The following KLHL32 variants were observed in gnomAD, a reference collection of about 807,000 sequenced individuals.
KLHL32 encodes the protein kelch like family member 32.
In KLHL32, 35 loss-of-function variants were observed where a neutral mutation model predicts 64.8. The observed-to-expected ratio is 0.54, with a 90% CI of 0.41 to 0.72. KLHL32 has a LOEUF of 0.72. Among genes scored for constraint, KLHL32 ranks in the 30% least tolerant of loss-of-function variants. The pLI is 0.00. For synonymous variants in KLHL32, 259 were observed against 281.0 expected (o/e 0.92, Z 0.78); for missense variants, 589 against 768.5 (o/e 0.77, Z 2.76).
At chr6:97,092,963 T>C in intron 6 of KLHL32, among the ~76,000 whole-genome samples, 1 of 152,162 alleles carries the variant, frequency 6.6e-6, no homozygotes, top group Non-Finnish European at 1.5e-5. Context: ...TTTTTTTTCT[T>C]TCCTTCTTTT....
At chr6:97,054,863 C>G (rs1340224131) in intron 4 of KLHL32, among the ~76,000 whole-genome samples, 2 of 152,056 alleles carry the variant, frequency 1.3e-5, no homozygotes, top group Non-Finnish European at 2.9e-5. Context: ...TGCTTGAACC[C>G]GGGAGGCAGA....
At position 97,114,052 on chromosome 6, in the gene KLHL32, C is replaced by T. The variant is rs146659038; in HGVS notation, c.897C>T (p.Arg299=). The T allele has an allele frequency of 3.6e-5, 58 of 1,614,150 alleles. No individual in the cohort carries two copies. The highest frequency in any genetic ancestry group is 9.9e-5 in the South Asian group (9 of 91,082). Residue 299 remains arginine (R), a synonymous_variant, in exon 7 of 11, where the codon CGC becomes CGT. Coordinates refer to ENST00000369261, the MANE Select transcript of KLHL32 (RefSeq NM_052904.4). ...DTLYIIGGKK[R]EVCKVKELRY... ...TGTATATCATTGGTGGGAAAAAGCGCGAGGTCTGCAAGGTCAAGGAACTTC... is the reference window on the plus strand; with the variant it reads ...TGTATATCATTGGTGGGAAAAAGCGTGAGGTCTGCAAGGTCAAGGAACTTC...
At chr6:97,133,750 A>G (rs1799687416) in intron 10 of KLHL32, among the ~76,000 whole-genome samples, 2 of 152,252 alleles carry the variant, frequency 1.3e-5, no homozygotes, top group Middle Eastern at 3.4e-3. Flanking sequence ...AAGTACTTCT[A>G]TTATTCATAT....
chr6:97,088,355 T>C (rs2128182859), intron 6 of KLHL32, among the ~76,000 whole-genome samples: 1 of 152,290 alleles, frequency 6.6e-6, no homozygotes, highest in Non-Finnish European at 1.5e-5. Flanking sequence ...GAAATGGAAA[T>C]ATGGGACATT....
At chr6:97,104,772 C>T (rs889604410) in intron 6 of KLHL32, among the ~76,000 whole-genome samples, 1 of 152,170 alleles carries the variant, frequency 6.6e-6, no homozygotes, top group African/African-American at 2.4e-5. Context: ...TAATATTCCT[C>T]CATGGTAACA....
intron 6 of KLHL32, among the ~76,000 whole-genome samples, chr6:97,092,734 G>T (rs942328374): frequency 1.3e-5 from 2 of 152,116 alleles, no homozygotes; most frequent in African/African-American, 4.8e-5. Context: ...CTCTGTGAGG[G>T]TGCATCCCAC....
intron 1 of KLHL32, among the ~76,000 whole-genome samples, chr6:96,928,849 TTACAGA>T (rs59241963): frequency 0.02 from 2,993 of 152,298 alleles, 98 homozygotes; most frequent in African/African-American, 0.069. Context: ...AAGGAGGCTC[TTACAGA>T]TACAGATTTT....
intron 1 of KLHL32, among the ~76,000 whole-genome samples, chr6:96,966,093 G>A (rs55871809): frequency 0.067 from 10,215 of 152,246 alleles, 423 homozygotes; most frequent in Middle Eastern, 0.15. Flanking sequence ...AATAGGCACA[G>A]CTTAACATAT....
chr6:97,010,702 C>T (rs993396687), intron 3 of KLHL32, among the ~76,000 whole-genome samples: 2 of 152,124 alleles, frequency 1.3e-5, no homozygotes, highest in Admixed American at 1.3e-4. Context: ...CCTCAAATGA[C>T]CTCAAATCTT....
rs1047978025 is a variant in KLHL32 at position 96,924,886 on chromosome 6, C to A, written c.-206C>A. ...ACGCTCGTCTTCGCTACTGCATCCCCGAACCAGCAGAGCGAAGCTACTGCG... is the reference window on the plus strand; with the variant it reads ...ACGCTCGTCTTCGCTACTGCATCCCAGAACCAGCAGAGCGAAGCTACTGCG... On this transcript the variant is annotated 5_prime_UTR_variant, in exon 1 of 11. Transcript: ENST00000369261. 1 of 152,462 alleles carries A rather than the reference C, an allele frequency of 6.6e-6. No individual in the cohort carries two copies. Among genetic ancestry groups the A allele is most frequent in the Non-Finnish European group, 1.5e-5 (1 of 68,282 alleles). The allele number at this position is 152,462 out of a possible 1,614,324, so 9.4% of individuals were successfully genotyped here. A position where few individuals can be genotyped will look rare whatever the true frequency, so the allele number is the denominator to read the frequency against.
intron 1 of KLHL32, among the ~76,000 whole-genome samples, chr6:96,941,015 G>A (rs1216659456): frequency 6.6e-6 from 1 of 152,204 alleles, no homozygotes; most frequent in East Asian, 1.9e-4. Context: ...CATAGTCCTG[G>A]AAATCAGATA....
intron 6 of KLHL32, among the ~76,000 whole-genome samples, chr6:97,104,291 T>C (rs1054516046): frequency 6.6e-6 from 1 of 152,222 alleles, no homozygotes; most frequent in African/African-American, 2.4e-5. Flanking sequence ...TTTGTTGTGG[T>C]TCTTCCAGTC....
At chr6:96,921,119 T>C (rs1313180241), upstream of KLHL32, among the ~76,000 whole-genome samples, 49 of 152,246 alleles carry the variant, frequency 3.2e-4, 1 homozygote, top group South Asian at 2.1e-4. Context: ...ATCTGCCTTA[T>C]CTTAATGATG....
At chr6:96,901,110 A>G in the KLHL32 span, among the ~76,000 whole-genome samples, 1 of 152,248 alleles carries the variant, frequency 6.6e-6, no homozygotes, top group Admixed American at 6.5e-5. Flanking sequence ...AGAATGATCA[A>G]CCAGCAATTA....
chr6:97,092,707 C>T lies in KLHL32; in HGVS notation c.627+7366C>T, dbSNP rs188428866. Among the ~76,000 whole-genome samples, 49 of 152,300 alleles carry T rather than the reference C, an allele frequency of 3.2e-4. 1 individual carries two copies. The highest frequency in any genetic ancestry group is 3.2e-3 in the Admixed American group (49 of 15,300). The stretch of plus-strand genomic sequence containing the variant: ...CATATATTTAATCTTTCCTTCTAAT[C>T]TATATGCGGCTAACTCCTCTGTGAG... On this transcript the variant is annotated intron_variant, in intron 6 of 10. Coordinates refer to ENST00000369261, the MANE Select transcript of KLHL32 (RefSeq NM_052904.4).
chr6:96,985,549 T>G (rs542891225), intron 3 of KLHL32, among the ~76,000 whole-genome samples: 1 of 152,196 alleles, frequency 6.6e-6, no homozygotes, highest in African/African-American at 2.4e-5. Context: ...AGTCCCATAT[T>G]TCTTGGAGGC....
chr6:96,983,719 G>A (rs1002662885), intron 3 of KLHL32, among the ~76,000 whole-genome samples: 8 of 151,990 alleles, frequency 5.3e-5, no homozygotes, highest in Admixed American at 1.3e-4. Context: ...TGTGGGATCG[G>A]TGGTGATATC....
chr6:96,899,465 C>T, the KLHL32 span, among the ~76,000 whole-genome samples: 2 of 152,164 alleles, frequency 1.3e-5, no homozygotes, highest in Non-Finnish European at 2.9e-5. Flanking sequence ...CACCGAACTT[C>T]GGGCAGTATG....
intron 1 of KLHL32, among the ~76,000 whole-genome samples, chr6:96,928,024 C>G (rs1429407971): frequency 6.6e-6 from 1 of 152,198 alleles, no homozygotes; most frequent in Non-Finnish European, 1.5e-5. Context: ...ACTTCAGCTG[C>G]TCTTCTCTTT....
Sources: allele counts gnomAD v4.1 joint callset (sites outside exome capture counted in the v4.1 genomes callset), GRCh38; gene constraint gnomAD v4.1.1; transcripts MANE v1.5; gene names NCBI Gene and HGNC (gene_info 2026-07-23, HGNC 2026-07-21).